Variants in FANCA observed in about 807,000 individuals in gnomAD.
FANCA encodes the protein FA complementation group A.
A neutral mutation model predicts 194.3 loss-of-function variants in FANCA; 236 were observed. The ratio of observed to expected loss-of-function variants is 1.21; its 90% CI spans 1.09 to 1.35. The LOEUF is 1.35. Ranked by LOEUF, FANCA falls within the 40% of genes most tolerant of loss-of-function variation. The pLI, the probability that FANCA is intolerant of heterozygous loss-of-function variation, is 0.00. For synonymous variants in FANCA, 1,014 were observed against 715.8 expected, an observed-to-expected ratio of 1.42 and a Z score of -6.65; for missense variants, 2,628 against 1,813.9, an observed-to-expected ratio of 1.45 and a Z score of -8.15.
At chr16:89,814,019 G>C (rs1307408635) in intron 3 of FANCA, among the ~76,000 whole-genome samples, 1 of 152,170 alleles carries the variant, frequency 6.6e-6, no homozygotes, top group Non-Finnish European at 1.5e-5. Flanking sequence ...GACATTCAGT[G>C]ACCAGTTGTC....
intron 14 of FANCA, among the ~76,000 whole-genome samples, chr16:89,786,778 G>C (rs1272335040): frequency 6.6e-6 from 1 of 152,196 alleles, no homozygotes; most frequent in Non-Finnish European, 1.5e-5. Flanking sequence ...CAAATACCAG[G>C]AAAGCAGCTC....
At position 89,758,674 on chromosome 16, in the gene FANCA, G is replaced by C. The variant is rs1174402922; in HGVS notation, c.2884C>G (p.His962Asp). 2 of 1,613,888 alleles carry C rather than the reference G, an allele frequency of 1.2e-6. No homozygotes were observed. Among genetic ancestry groups the C allele is most frequent in the Non-Finnish European group, 1.7e-6 (2 of 1,179,902 alleles). The part of the protein sequence containing the change: ...QDFHQWAIHE[H>D]FLPESSASGG... Reference sequence around the variant, plus strand: ...GAAGCCGAGGACTCAGGGAGAAAGTGCTCATGGATCGCCCACTGGTGGAAG... The same window carrying C: ...GAAGCCGAGGACTCAGGGAGAAAGTCCTCATGGATCGCCCACTGGTGGAAG... Residue 962 changes from histidine (H) to aspartate (D), a missense_variant, in exon 30 of 43, where the codon CAC becomes GAC. Coordinates refer to ENST00000389301, the MANE Select transcript of FANCA (RefSeq NM_000135.4).
intron 31 of FANCA, among the ~76,000 whole-genome samples, chr16:89,751,405 A>C (rs2038585524): frequency 4.6e-5 from 7 of 152,128 alleles, no homozygotes; most frequent in Admixed American, 4.6e-4. Flanking sequence ...CCAGGAAGTC[A>C]AGGCTGCAGA....
At chr16:89,787,962 G>A (rs552747784) in intron 14 of FANCA, among the ~76,000 whole-genome samples, 7 of 151,732 alleles carry the variant, frequency 4.6e-5, no homozygotes, top group Admixed American at 1.3e-4. Context: ...CAACCTGCGC[G>A]TTCCGGGTTC....
chr16:89,742,013 T>C (rs1298243184), intron 37 of FANCA, among the ~76,000 whole-genome samples: 1 of 151,960 alleles, frequency 6.6e-6, no homozygotes, highest in East Asian at 1.9e-4. Context: ...TCACCCAGAC[T>C]GCAGGGCAGT....
intron 20 of FANCA, among the ~76,000 whole-genome samples, chr16:89,776,677 C>T (rs1226507412): frequency 6.6e-6 from 1 of 151,002 alleles, no homozygotes; most frequent in East Asian, 2.0e-4. Context: ...AATACAAAAA[C>T]AAAATTAGCC....
At position 89,739,460 on chromosome 16, in the gene FANCA, C is replaced by A. The variant is rs1402442687; in HGVS notation, c.4010+18G>T. ...GGAAACACTGCCCAGCCCTGACCAG[C>A]CCTGTGGGTGGAGGTACCTGTAAAA... On this transcript the variant is annotated intron_variant, in intron 40 of 42. Coordinates refer to ENST00000389301, the MANE Select transcript of FANCA (RefSeq NM_000135.4). The A allele has an allele frequency of 1.3e-6, 2 of 1,551,854 alleles. No individual in the cohort carries two copies. The highest frequency in any genetic ancestry group is 1.7e-6 in the Non-Finnish European group (2 of 1,147,806).
At chr16:89,784,045 CCA>C (rs2039812937) in intron 15 of FANCA, among the ~76,000 whole-genome samples, 2 of 152,066 alleles carry the variant, frequency 1.3e-5, no homozygotes, top group Admixed American at 1.3e-4. Context: ...CAGGTGTGAG[CCA>C]CCACGCCCGG....
intron 29 of FANCA, among the ~76,000 whole-genome samples, chr16:89,760,866 C>T (rs1162391697): frequency 6.6e-6 from 1 of 152,182 alleles, no homozygotes; most frequent in Non-Finnish European, 1.5e-5. Flanking sequence ...CTTTAATCCA[C>T]TTCTGTATCT....
intron 8 of FANCA, among the ~76,000 whole-genome samples, chr16:89,800,181 C>A (rs747334714): frequency 3.9e-5 from 6 of 152,208 alleles, no homozygotes; most frequent in Non-Finnish European, 7.3e-5. Context: ...CACTTTTGCA[C>A]GCAGAGTTTT....
At chr16:89,809,111 T>C (rs993659942) in intron 5 of FANCA, among the ~76,000 whole-genome samples, 13 of 151,956 alleles carry the variant, frequency 8.6e-5, no homozygotes, top group African/African-American at 3.1e-4. Flanking sequence ...TTTCACCGTG[T>C]TAGCCAGGAT....
In FANCA at chr16:89,758,651, A is replaced by G; in HGVS notation, c.2907T>C (p.Ala969=). ...IHEHFLPESS[A]SGGCDGDLQA... is the part of the protein sequence containing the mutation. ...GCAGGTCTCCGTCACAGCCCCCTGAAGCCGAGGACTCAGGGAGAAAGTGCT... is the reference window on the plus strand; with the variant it reads ...GCAGGTCTCCGTCACAGCCCCCTGAGGCCGAGGACTCAGGGAGAAAGTGCT... Residue 969 remains alanine (A), a synonymous_variant, in exon 30 of 43, where the codon GCT becomes GCC. Coordinates refer to ENST00000389301, the MANE Select transcript of FANCA (RefSeq NM_000135.4). 1 of 1,614,042 alleles carries G rather than the reference A, an allele frequency of 6.2e-7. No homozygotes were observed. Among genetic ancestry groups the G allele is most frequent in the Non-Finnish European group, 8.5e-7 (1 of 1,179,912 alleles).
chr16:89,773,326 G>A lies in FANCA; in HGVS notation c.1959C>T (p.Leu653=), dbSNP rs368643963. Reference sequence around the variant, plus strand: ...CTCTCAGCTCTCCCAGTGCAGCTGTGAGCTGTCCCAGGGGCTCCTCAGCAG... The same window carrying A: ...CTCTCAGCTCTCCCAGTGCAGCTGTAAGCTGTCCCAGGGGCTCCTCAGCAG... ...PNSAEEPLGQ[L]TAALGELRAS... is the part of the protein sequence containing the mutation. The change falls in exon 22 of 43, where the codon CTC becomes CTT. Residue 653 remains leucine, a synonymous_variant. Coordinates refer to ENST00000389301, the MANE Select transcript of FANCA (RefSeq NM_000135.4). 1.4e-5 allele frequency: 21 copies of A among 1,551,480 alleles called. No homozygotes were observed. Among genetic ancestry groups the A allele is most frequent in the Middle Eastern group, 3.3e-4 (2 of 6,014 alleles).
intron 6 of FANCA, among the ~76,000 whole-genome samples, chr16:89,806,862 G>A (rs2040670539): frequency 6.6e-6 from 1 of 152,136 alleles, no homozygotes; most frequent in African/African-American, 2.4e-5. Flanking sequence ...ATGAGCTGTT[G>A]GGTACACCTC....
chr16:89,769,285 C>T (rs1341236720), intron 26 of FANCA, among the ~76,000 whole-genome samples: 1 of 152,232 alleles, frequency 6.6e-6, no homozygotes, highest in Non-Finnish European at 1.5e-5. Context: ...CTGGCTTCCG[C>T]CTCTGAGTGG....
At chr16:89,765,132 TGCTCAGGTGGAAACA>T in intron 27 of FANCA, 66 bp from the exon 28 acceptor site, 1 of 1,566,980 alleles carries the variant, frequency 6.4e-7, no homozygotes, top group Admixed American at 1.7e-5. Flanking sequence ...GCTGAGCAAA[TGCTCAGGTGGAAACA>T]GACCATCAAC....
At chr16:89,767,360 GTCCT>G (rs1424910610) in intron 26 of FANCA, 123 bp from the exon 27 acceptor site, 1 of 759,066 alleles carries the variant, frequency 1.3e-6, no homozygotes, top group East Asian at 2.7e-5. Flanking sequence ...CTGAGCATTG[GTCCT>G]TCGTTTTTTG....
Position 89,783,017 on chromosome 16 carries a change from G to C in FANCA, c.1556C>G (p.Ala519Gly). The C allele has an allele frequency of 6.2e-7, 1 of 1,614,034 alleles. No individual in the cohort carries two copies. Among genetic ancestry groups the C allele is most frequent in the Non-Finnish European group, 8.5e-7 (1 of 1,179,912 alleles). The change falls in exon 16 of 43, where the codon GCC becomes GGC. Residue 519 changes from alanine (A) to glycine (G), a missense_variant. Ala to Gly is a moderately conservative substitution (Grantham distance 60, BLOSUM62 0). Coordinates refer to ENST00000389301, the MANE Select transcript of FANCA (RefSeq NM_000135.4). ...GGAGGGACAGCTTGCCTTGAGGTCG[G>C]CCAGCCGTGTCTTGGCCAATGAGAT... ...DYISLAKTRL[A>G]DLKVSIENMG...
chr16:89,751,596 G>C (rs2038593345), intron 31 of FANCA, among the ~76,000 whole-genome samples: 1 of 152,108 alleles, frequency 6.6e-6, no homozygotes, highest in African/African-American at 2.4e-5. Context: ...CTGGCGGAGG[G>C]AGAGACAGGG....
Sources: gnomAD v4.1 joint callset for allele counts (sites outside exome capture counted in the v4.1 genomes callset) on GRCh38, gnomAD v4.1.1 for gene constraint, MANE v1.5 for transcripts, NCBI Gene and HGNC (gene_info 2026-07-23, HGNC 2026-07-21) for gene names.